The following CALM2 variants were observed in gnomAD, a reference collection of about 807,000 sequenced individuals.
CALM2 encodes the protein calmodulin 2, also known as calmodulin-2.
CALM2 carries 2 observed loss-of-function variants against 19.8 expected under a neutral mutation model. The observed-to-expected ratio is 0.10, with a 90% CI of 0.04 to 0.32. The LOEUF is 0.32. Ranked by LOEUF, CALM2 falls within the 10% of genes least tolerant of loss-of-function variation. The probability of loss-of-function intolerance (pLI) is 1.00; values close to 1 mark genes in which losing one functional copy is unlikely to be tolerated. For missense variants in CALM2, 38 were observed against 178.7 expected, an observed-to-expected ratio of 0.21 and a Z score of 4.49; for synonymous variants, 51 against 52.1, an observed-to-expected ratio of 0.98 and a Z score of 0.09.
chr2:47,170,720 T>C lies in CALM2; in HGVS notation c.34+14A>G, dbSNP rs1399680214. ...AAGAATCTAATGGGTACAATCTAGC[T>C]GAGTATTTCTCACCTGCAATCTGCT... On this transcript the variant is annotated intron_variant, in intron 2 of 5. Coordinates refer to ENST00000272298, the MANE Select transcript of CALM2 (RefSeq NM_001743.6). 4 of 1,604,478 alleles carry C rather than the reference T, an allele frequency of 2.5e-6. No homozygotes were observed. In the African/African-American group the frequency reaches 5.4e-5, roughly 21 times the overall value.
At chr2:47,176,907 T>C (rs1666895354), upstream of CALM2, 9 of 985,244 alleles carry the variant, frequency 9.1e-6, no homozygotes, top group Non-Finnish European at 1.1e-5. Context: ...CTTCTGCCGT[T>C]GCTGCTCGGG....
intron 1 of CALM2, 111 bp from the exon 2 acceptor site, chr2:47,170,875 C>G (rs1296280507): frequency 1.2e-6 from 1 of 850,100 alleles, no homozygotes; most frequent in African/African-American, 1.7e-5. Flanking sequence ...TCATTTAGTT[C>G]CAGCAACAAA....
intron 1 of CALM2, chr2:47,172,199 T>C (rs1442548989): frequency 7.5e-6 from 2 of 267,244 alleles, no homozygotes; most frequent in Non-Finnish European, 1.5e-5. Flanking sequence ...TTTGTATTAA[T>C]AGAAGCTACA....
chr2:47,175,472 T>C (rs1180310073), intron 1 of CALM2, among the ~76,000 whole-genome samples: 1 of 152,174 alleles, frequency 6.6e-6, no homozygotes, highest in Admixed American at 6.5e-5. Context: ...TGTAGAACCC[T>C]AGCTGGAGCC....
chr2:47,173,638 C>G (rs1573231220), intron 1 of CALM2: 1 of 152,186 alleles, frequency 6.6e-6, no homozygotes, highest in East Asian at 1.9e-4. Flanking sequence ...TGGAGTTTAT[C>G]TAGTGAAAGG....
rs1410558273 is a variant in CALM2 at position 47,176,422 on chromosome 2, A to G, written c.3+19T>C. The G allele has an allele frequency of 1.2e-6, 2 of 1,612,780 alleles. No individual in the cohort carries two copies. Among genetic ancestry groups the G allele is most frequent in the African/African-American group, 2.7e-5 (2 of 74,878 alleles). The stretch of plus-strand genomic sequence containing the variant: ...TTCCCCCCACAGGCCCAGCGCCGGC[A>G]GCTCAGCGATGCACTCACCATGCTG... On this transcript the variant is annotated intron_variant, in intron 1 of 5. Coordinates refer to ENST00000272298, the MANE Select transcript of CALM2 (RefSeq NM_001743.6).
At chr2:47,161,538 C>A (rs957191434) in intron 5 of CALM2, among the ~76,000 whole-genome samples, 185 bp downstream of exon 5, 8 of 152,122 alleles carry the variant, frequency 5.3e-5, no homozygotes, top group Non-Finnish European at 1.0e-4. Flanking sequence ...ATTAAGTTCT[C>A]AAGTCAGAGC....
At chr2:47,168,546 C>T (rs145579879) in intron 2 of CALM2, among the ~76,000 whole-genome samples, 5 of 152,098 alleles carry the variant, frequency 3.3e-5, no homozygotes, top group African/African-American at 1.2e-4. Context: ...TGAGACCAGC[C>T]TGACCAACAT....
chr2:47,174,116 ATCACCC>A (rs1666767085), intron 1 of CALM2: 1 of 152,156 alleles, frequency 6.6e-6, no homozygotes, highest in Non-Finnish European at 1.5e-5. Flanking sequence ...TACTTACCTA[ATCACCC>A]TGCACTCAAA....
At chr2:47,172,919 T>C (rs1666725375) in intron 1 of CALM2, 1 of 152,192 alleles carries the variant, frequency 6.6e-6, no homozygotes, top group African/African-American at 2.4e-5. Flanking sequence ...ACTGTCCAAT[T>C]TTGCTTGGAA....
intron 1 of CALM2, among the ~76,000 whole-genome samples, chr2:47,175,081 G>GTTTGTTTTTTT (rs1666804052): frequency 1.3e-5 from 1 of 77,964 alleles, no homozygotes; most frequent in African/African-American, 9.2e-5. Context: ...CTCATTAGGT[G>GTTTGTTTTTTT]TTTTTTTTTT....
intron 2 of CALM2, 106 bp downstream of exon 2, chr2:47,170,628 G>A (rs1227947495): frequency 5.7e-6 from 5 of 884,388 alleles, no homozygotes; most frequent in Admixed American, 5.1e-5. Context: ...TAGTATCCAT[G>A]ACATATACCA....
At chr2:47,172,678 A>G in intron 1 of CALM2, 1 of 315,018 alleles carries the variant, frequency 3.2e-6, no homozygotes, top group Non-Finnish European at 6.2e-6. Flanking sequence ...CGACAGATGC[A>G]GCGGACATCA....
chr2:47,165,924 C>G (rs1374332000), intron 2 of CALM2, among the ~76,000 whole-genome samples: 1 of 152,218 alleles, frequency 6.6e-6, no homozygotes, highest in Non-Finnish European at 1.5e-5. Context: ...TTTCCTCCAT[C>G]TCTACAACCA....
At chr2:47,168,749 G>T (rs1471187549) in intron 2 of CALM2, among the ~76,000 whole-genome samples, 1 of 149,970 alleles carries the variant, frequency 6.7e-6, no homozygotes, top group African/African-American at 2.5e-5. Flanking sequence ...ATCAATCACT[G>T]AAGAGGGATC....
rs1252438753 is a variant in CALM2, at chr2:47,161,719, T to A, written c.421+4A>T. 2 of 1,607,948 alleles carry A rather than the reference T, an allele frequency of 1.2e-6. No homozygotes were observed. The highest frequency in any genetic ancestry group is 1.7e-6 in the Non-Finnish European group (2 of 1,178,148). On this transcript the variant is annotated splice_donor_region_variant and intron_variant, in intron 5 of 5. Coordinates refer to ENST00000272298, the MANE Select transcript of CALM2 (RefSeq NM_001743.6). ...AGAATGAGGCGTGAGACTGAAACAT[T>A]TACCTTCATAGTTTACTTGACCATC...
upstream of CALM2, chr2:47,176,849 C>T (rs1323990848): frequency 1.0e-6 from 1 of 985,454 alleles, no homozygotes; most frequent in Non-Finnish European, 1.2e-6. Flanking sequence ...TGGTTTGTAC[C>T]TGCAATGCGT....
intron 2 of CALM2, chr2:47,163,225 T>C (rs755928610): frequency 6.6e-6 from 1 of 152,538 alleles, no homozygotes; most frequent in Non-Finnish European, 1.5e-5. Flanking sequence ...AACAGGCTAC[T>C]TTCCCTTTCT....
chr2:47,170,607 T>A (rs1182825400), intron 2 of CALM2, 127 bp downstream of exon 2: 13 of 780,490 alleles, frequency 1.7e-5, no homozygotes, highest in Non-Finnish European at 3.0e-5. Context: ...TATTATATTA[T>A]ACCCATATGT....
Sources: gnomAD v4.1 joint callset for allele counts (sites outside exome capture counted in the v4.1 genomes callset) on GRCh38, gnomAD v4.1.1 for gene constraint, MANE v1.5 for transcripts, NCBI Gene and HGNC (gene_info 2026-07-23, HGNC 2026-07-21) for gene names.